Variants in SEMA3D observed in about 807,000 individuals in gnomAD.
SEMA3D encodes the protein semaphorin 3D.
A neutral mutation model predicts 100.1 loss-of-function variants in SEMA3D; 84 were observed. The observed-to-expected ratio is 0.84, with a 90% CI of 0.70 to 1.01. SEMA3D has a LOEUF of 1.01. Ranked by LOEUF, SEMA3D falls within the 50% of genes least tolerant of loss-of-function variation. The pLI is 0.00. For missense variants in SEMA3D, 875 were observed against 934.1 expected (o/e 0.94, Z 0.82); for synonymous variants, 312 against 320.7 (o/e 0.97, Z 0.29).
chr7:85,194,822 G>C, the SEMA3D span, among the ~76,000 whole-genome samples: 1 of 152,092 alleles, frequency 6.6e-6, no homozygotes, highest in African/African-American at 2.4e-5. Context: ...TTAGTGTGTA[G>C]ATGGCCATCT....
intron 1 of SEMA3D, among the ~76,000 whole-genome samples, chr7:85,174,092 C>T (rs950513841): frequency 2.6e-5 from 4 of 152,176 alleles, no homozygotes; most frequent in Non-Finnish European, 1.5e-5. Flanking sequence ...CTGAACATAA[C>T]CTCCACATAG....
intron 9 of SEMA3D, among the ~76,000 whole-genome samples, chr7:85,052,808 CTGT>C (rs1791203954): frequency 6.6e-6 from 1 of 151,808 alleles, no homozygotes; most frequent in African/African-American, 2.4e-5. Context: ...TATTTTGTTG[CTGT>C]TGTTGAAATA....
the SEMA3D span, among the ~76,000 whole-genome samples, chr7:85,215,671 G>T: frequency 6.6e-6 from 1 of 151,814 alleles, no homozygotes; most frequent in African/African-American, 2.4e-5. Context: ...AATTAAAATG[G>T]AAAAAATTAA....
At chr7:85,077,140 A>C in intron 5 of SEMA3D, among the ~76,000 whole-genome samples, 1 of 151,684 alleles carries the variant, frequency 6.6e-6, no homozygotes, top group Non-Finnish European at 1.5e-5. Flanking sequence ...ATATTTTAAT[A>C]GATTGTTAAT....
At chr7:85,057,040 G>A (rs1791340617) in intron 8 of SEMA3D, among the ~76,000 whole-genome samples, 1 of 151,640 alleles carries the variant, frequency 6.6e-6, no homozygotes, top group African/African-American at 2.4e-5. Context: ...GGGGTTAATA[G>A]AAAATTGAGT....
At chr7:85,101,934 T>A (rs889775962) in intron 3 of SEMA3D, among the ~76,000 whole-genome samples, 1 of 152,014 alleles carries the variant, frequency 6.6e-6, no homozygotes, top group South Asian at 2.1e-4. Flanking sequence ...GCATTTTTTA[T>A]GATAATGGAA....
intron 17 of SEMA3D, among the ~76,000 whole-genome samples, chr7:85,007,912 CT>C (rs1789844636): frequency 6.6e-6 from 1 of 151,752 alleles, no homozygotes; most frequent in Admixed American, 6.6e-5. Flanking sequence ...AGTTAGGCTT[CT>C]TTTCAAGAAA....
At chr7:85,007,296 T>C (rs1789826951) in intron 17 of SEMA3D, among the ~76,000 whole-genome samples, 1 of 151,856 alleles carries the variant, frequency 6.6e-6, no homozygotes, top group Non-Finnish European at 1.5e-5. Flanking sequence ...TAATATAAAA[T>C]ATAAACAATT....
chr7:85,063,800 T>G (rs942370290), intron 8 of SEMA3D, among the ~76,000 whole-genome samples: 1 of 152,158 alleles, frequency 6.6e-6, no homozygotes, highest in Non-Finnish European at 1.5e-5. Context: ...CATCATGGTT[T>G]CAAGATAATA....
At chr7:85,235,029 T>C in the SEMA3D span, among the ~76,000 whole-genome samples, 5 of 152,132 alleles carry the variant, frequency 3.3e-5, no homozygotes, top group East Asian at 9.6e-4. Context: ...CAGGTGTGTA[T>C]GTCATTAACC....
intron 2 of SEMA3D, among the ~76,000 whole-genome samples, chr7:85,136,168 C>T (rs1789862771): frequency 1.3e-5 from 2 of 152,032 alleles, no homozygotes; most frequent in African/African-American, 4.8e-5. Context: ...TGCGTGTGTC[C>T]TTTGGAATGC....
the SEMA3D span, among the ~76,000 whole-genome samples, chr7:85,235,088 G>C: frequency 6.6e-6 from 1 of 152,304 alleles, no homozygotes; most frequent in East Asian, 1.9e-4. Flanking sequence ...TCCTAGCACT[G>C]CTCAGTAGCA....
At chr7:85,137,014 G>A (rs1789885813) in intron 2 of SEMA3D, among the ~76,000 whole-genome samples, 1 of 151,970 alleles carries the variant, frequency 6.6e-6, no homozygotes, top group Non-Finnish European at 1.5e-5. Context: ...TGTAGTTTTA[G>A]CCAAGCAAAG....
intron 5 of SEMA3D, among the ~76,000 whole-genome samples, chr7:85,075,700 A>G (rs1244653869): frequency 6.6e-6 from 1 of 152,202 alleles, no homozygotes; most frequent in East Asian, 1.9e-4. Context: ...GGAATTTGAG[A>G]GAGGATAGTT....
intron 2 of SEMA3D, among the ~76,000 whole-genome samples, chr7:85,148,060 A>G (rs916603055): frequency 2.6e-5 from 4 of 152,194 alleles, no homozygotes; most frequent in South Asian, 2.1e-4. Context: ...AGAGATCACA[A>G]TGACAATCTA....
intron 2 of SEMA3D, among the ~76,000 whole-genome samples, chr7:85,150,089 T>A (rs889813557): frequency 1.3e-5 from 2 of 151,980 alleles, no homozygotes; most frequent in African/African-American, 4.8e-5. Flanking sequence ...GCCCAACACA[T>A]ACGCACTCAC....
At chr7:85,052,223 T>C (rs1791186562) in intron 9 of SEMA3D, among the ~76,000 whole-genome samples, 1 of 151,986 alleles carries the variant, frequency 6.6e-6, no homozygotes, top group Non-Finnish European at 1.5e-5. Flanking sequence ...TATTTCTCGA[T>C]CCAGATACAT....
At position 85,186,837 on chromosome 7, in the gene SEMA3D, C is replaced by T. The variant is rs1332485998; in HGVS notation, c.-332G>A. The T allele has an allele frequency of 6.6e-6, 1 of 152,248 alleles. No individual in the cohort carries two copies. Among genetic ancestry groups the T allele is most frequent in the Non-Finnish European group, 1.5e-5 (1 of 68,124 alleles). The allele number at this position is 152,248 out of a possible 1,614,324, so 9.4% of individuals were successfully genotyped here. ...TGAGCAAGCGGAGCCGCCGGCAGCC[C>T]TGGCAGAGCCGGGAAGCTGCGGCCG... On this transcript the variant is annotated 5_prime_UTR_variant, in exon 1 of 19. Transcript: ENST00000284136.
At chr7:85,177,947 T>G (rs948602822) in intron 1 of SEMA3D, among the ~76,000 whole-genome samples, 2 of 152,128 alleles carry the variant, frequency 1.3e-5, no homozygotes, top group African/African-American at 2.4e-5. Flanking sequence ...GGGAGGTGAT[T>G]AGGTCATGAG....
Sources: allele counts gnomAD v4.1 joint callset (sites outside exome capture counted in the v4.1 genomes callset), GRCh38; gene constraint gnomAD v4.1.1; transcripts MANE v1.5; gene names NCBI Gene and HGNC (gene_info 2026-07-23, HGNC 2026-07-21).